AGA: variants seen among roughly 807,000 people sequenced by gnomAD.
AGA encodes N(4)-(beta-N-acetylglucosaminyl)-L-asparaginase.
AGA carries 31 observed loss-of-function variants against 40.1 expected under a neutral mutation model. The observed-to-expected ratio is 0.77, with a 90% CI of 0.58 to 1.04. The LOEUF is 1.04. AGA is among the 50% of genes least tolerant of loss of function. AGA has a pLI of 0.00. For synonymous variants in AGA, 148 were observed against 144.0 expected (o/e 1.03, Z -0.20); for missense variants, 445 against 435.4 (o/e 1.02, Z -0.20).
intron 6 of AGA, among the ~76,000 whole-genome samples, chr4:177,435,386 C>T (rs1736777634): frequency 6.6e-6 from 1 of 152,148 alleles, no homozygotes; most frequent in Admixed American, 6.5e-5. Flanking sequence ...TTTAAAAGAA[C>T]TTGTTATCAG....
At chr4:177,434,904 A>AT (rs34327660) in intron 6 of AGA, among the ~76,000 whole-genome samples, 69,925 of 148,236 alleles carry the variant, frequency 0.47, 17,600 homozygotes, top group East Asian at 0.71. Flanking sequence ...TGCGAAGTAG[A>AT]TTTTTTTTTT....
In AGA at chr4:177,442,309, A is replaced by AG; in HGVS notation, c.66dup (p.Cys23LeufsTer15). The AG allele has an allele frequency of 6.2e-7, 1 of 1,614,112 alleles. No individual in the cohort carries two copies. Among genetic ancestry groups the AG allele is most frequent in the South Asian group, 1.1e-5 (1 of 91,084 alleles). On this transcript the variant is annotated frameshift_variant, in exon 1 of 9. Transcript: ENST00000264595. LOFTEE classifies it high-confidence loss of function. The stretch of plus-strand genomic sequence containing the variant: ...ACGACCAGGGGCAGAGGGCTGGAGC[A>AG]GCGCACTAGGGCCTGGCAGAGCAGA...
At chr4:177,437,162 T>C (rs1446414653) in intron 5 of AGA, 1 of 465,902 alleles carries the variant, frequency 2.1e-6, no homozygotes, top group Non-Finnish European at 3.9e-6. Context: ...TGCCAAAAAA[T>C]GAAATGTCAA....
Position 177,434,427 on chromosome 4 carries a change from G to A in AGA, c.761C>T (p.Ala254Val). 1 of 1,614,164 alleles carries A rather than the reference G, an allele frequency of 6.2e-7. No homozygotes were observed. Among genetic ancestry groups the A allele is most frequent in the Non-Finnish European group, 8.5e-7 (1 of 1,180,028 alleles). The change falls in exon 7 of 9, where the codon GCC (alanine) becomes GTC (valine). Residue 254 changes from alanine to valine, a missense_variant. Transcript: ENST00000264595. The part of the protein sequence containing the change: ...GAYADDTAGA[A>V]AATGNGDILM... ...TATATCACCATTCCCAGTGGCTGCG[G>A]CTGCCCCTGCAGTATCGTCAGCATA...
Position 177,440,275 on chromosome 4 carries a change from A to C in AGA, c.279T>G (p.Asp93Glu). Reference protein sequence around the residue: ...GETTLDAMIMDGTTMDVGAVG... With the variant: ...GETTLDAMIMEGTTMDVGAVG... ...TAGGACCTGAACGGTGTTCTTACCC[A>C]TCCATGATCATGGCATCTAGTGTGG... Residue 93 changes from aspartate (D) to glutamate (E), a missense_variant and splice_region_variant, in exon 2 of 9, where the codon GAT becomes GAG. By Grantham distance (45) the Asp-to-Glu change is conservative. Transcript: ENST00000264595. 1 of 1,613,648 alleles carries C rather than the reference A, an allele frequency of 6.2e-7. No individual in the cohort carries two copies. The highest frequency in any genetic ancestry group is 1.1e-5 in the South Asian group (1 of 91,050).
chr4:177,431,655 T>C lies in AGA; in HGVS notation c.*53A>G. 1 of 1,471,008 alleles carries C rather than the reference T, an allele frequency of 6.8e-7. No individual in the cohort carries two copies. The allele number at this position is 1,471,008 out of a possible 1,614,324, so 91.1% of individuals were successfully genotyped here. ...CTAGATGATGAGAGTGAGCAGCCTT[T>C]TCAGCCTTTGTTTCTTTCTTCTTTA... On this transcript the variant is annotated 3_prime_UTR_variant, in exon 9 of 9. Coordinates refer to ENST00000264595, the MANE Select transcript of AGA (RefSeq NM_000027.4).
At chr4:177,437,544 T>C in intron 4 of AGA, 25 bp from the exon 5 acceptor site, 2 of 1,528,642 alleles carry the variant, frequency 1.3e-6, no homozygotes, top group African/African-American at 2.7e-5. Context: ...TAAGTTTTAT[T>C]TCTTACAAAG....
At chr4:177,435,679 C>A (rs547594921) in intron 6 of AGA, among the ~76,000 whole-genome samples, 17 of 152,084 alleles carry the variant, frequency 1.1e-4, no homozygotes, top group Non-Finnish European at 1.5e-4. Flanking sequence ...CTTCCAATAC[C>A]ACTTCCCCTA....
At chr4:177,440,734 T>C (rs1160507774) in intron 1 of AGA, among the ~76,000 whole-genome samples, 1 of 151,854 alleles carries the variant, frequency 6.6e-6, no homozygotes, top group Non-Finnish European at 1.5e-5. Context: ...TTTTAAAAGG[T>C]ACAATCGAAA....
intron 7 of AGA, among the ~76,000 whole-genome samples, chr4:177,433,740 A>T (rs1469726585): frequency 1.3e-5 from 2 of 152,238 alleles, no homozygotes; most frequent in Admixed American, 6.5e-5. Context: ...AAGGTACACG[A>T]TGACTGCACT....
At chr4:177,435,095 G>T (rs1281664224) in intron 6 of AGA, among the ~76,000 whole-genome samples, 1 of 150,994 alleles carries the variant, frequency 6.6e-6, no homozygotes, top group Non-Finnish European at 1.5e-5. Context: ...TTTTTCAGTA[G>T]AGACTGGGTT....
chr4:177,434,862 G>A (rs1026619149), intron 6 of AGA, among the ~76,000 whole-genome samples: 5 of 151,886 alleles, frequency 3.3e-5, no homozygotes, highest in African/African-American at 1.2e-4. Flanking sequence ...TGCTGACTAA[G>A]GTTAATAACA....
At chr4:177,434,080 G>A (rs192757269) in intron 7 of AGA, among the ~76,000 whole-genome samples, 60 of 152,222 alleles carry the variant, frequency 3.9e-4, no homozygotes, top group African/African-American at 1.3e-3. Flanking sequence ...TGCAACCTCT[G>A]TCTCCCAGGT....
At chr4:177,437,203 T>G (rs1736851098) in intron 5 of AGA, 1 of 546,924 alleles carries the variant, frequency 1.8e-6, no homozygotes, top group East Asian at 3.1e-5. Context: ...AAGTGAATAG[T>G]CATTGGGTTT....
chr4:177,442,140 C>T lies in AGA; in HGVS notation c.127+109G>A, dbSNP rs1395872479. ...GGCGGGACCGCGAGGCCCGGCCCAG[C>T]CCGGCGCTCTTCCGTCCGCCCTGCC... On this transcript the variant is annotated intron_variant, in intron 1 of 8. Transcript: ENST00000264595. 22 of 1,514,712 alleles carry T rather than the reference C, an allele frequency of 1.5e-5. No homozygotes were observed. The East Asian group carries it at 3.6e-4, about 25-fold the overall frequency. 93.8% of individuals were successfully genotyped at this position (1,514,712 alleles called of 1,614,324 possible).
intron 4 of AGA, 115 bp downstream of exon 4, chr4:177,438,630 T>C: frequency 2.7e-6 from 2 of 753,882 alleles, no homozygotes; most frequent in Non-Finnish European, 4.7e-6. Flanking sequence ...CTAGTTCTAA[T>C]GTACAGCCAG....
chr4:177,438,951 T>G, intron 3 of AGA, 94 bp from the exon 4 acceptor site: 1 of 770,216 alleles, frequency 1.3e-6, no homozygotes, highest in Non-Finnish European at 2.3e-6. Flanking sequence ...CAGCAGCATC[T>G]TAAGTGAGCT....
chr4:177,431,197 C>G lies in AGA; in HGVS notation c.*511G>C, dbSNP rs1267393218. 1 of 440,606 alleles carries G rather than the reference C, an allele frequency of 2.3e-6. No homozygotes were observed. The highest frequency in any genetic ancestry group is 4.5e-6 in the Non-Finnish European group (1 of 222,354). The allele number at this position is 440,606 out of a possible 1,614,324, so 27.3% of individuals were successfully genotyped here. Reference sequence around the variant, plus strand: ...AAACAAAGAGTATCTCATGTTCTATCATCTTCCTTCCTCAAGTTTTTAGGG... The same window carrying G: ...AAACAAAGAGTATCTCATGTTCTATGATCTTCCTTCCTCAAGTTTTTAGGG... On this transcript the variant is annotated 3_prime_UTR_variant, in exon 9 of 9. Transcript: ENST00000264595.
intron 6 of AGA, 142 bp downstream of exon 6, chr4:177,436,134 C>T: frequency 1.4e-6 from 1 of 736,356 alleles, no homozygotes; most frequent in Non-Finnish European, 2.4e-6. Flanking sequence ...TGGCACTCAG[C>T]AGAGAGTACT....
Sources: gnomAD v4.1 joint callset for allele counts (sites outside exome capture counted in the v4.1 genomes callset) on GRCh38, gnomAD v4.1.1 for gene constraint, MANE v1.5 for transcripts, NCBI Gene and HGNC (gene_info 2026-07-23, HGNC 2026-07-21) for gene names.